PARVA: variants seen among roughly 807,000 people sequenced by gnomAD.
PARVA encodes alpha-parvin.
PARVA carries 25 observed loss-of-function variants against 52.6 expected under a neutral mutation model. That is an observed-to-expected ratio of 0.48 (90% confidence interval 0.35 to 0.66). PARVA has a LOEUF of 0.66. Among genes scored for constraint, PARVA ranks in the 30% least tolerant of loss-of-function variants. The pLI is 0.01. For missense variants in PARVA, 373 were observed against 450.9 expected, an observed-to-expected ratio of 0.83 and a Z score of 1.56; for synonymous variants, 185 against 179.1, an observed-to-expected ratio of 1.03 and a Z score of -0.26.
Position 12,517,690 on chromosome 11 carries a change from C to A in PARVA, c.948C>A (p.Thr316=). The A allele has an allele frequency of 6.2e-7, 1 of 1,601,746 alleles. No individual in the cohort carries two copies. Among genetic ancestry groups the A allele is most frequent in the Non-Finnish European group, 8.5e-7 (1 of 1,173,812 alleles). The change falls in exon 11 of 13, where the codon ACC becomes ACA. Residue 316 remains threonine, a synonymous_variant. Transcript: ENST00000334956. Reference sequence around the variant, plus strand: ...TGCCCCTGCACAGCTTCTTCCTGACCCCGGACAGCTTTGAACAGAAGGTAA... The same window carrying A: ...TGCCCCTGCACAGCTTCTTCCTGACACCGGACAGCTTTGAACAGAAGGTAA... ...YFVPLHSFFL[T]PDSFEQKVLN...
chr11:12,466,811 A>G (rs780266923), intron 1 of PARVA, among the ~76,000 whole-genome samples: 21 of 152,124 alleles, frequency 1.4e-4, no homozygotes, highest in Non-Finnish European at 2.4e-4. Context: ...GTAGTCTTGA[A>G]GTATGGTAGT....
intron 1 of PARVA, among the ~76,000 whole-genome samples, chr11:12,407,387 A>C (rs1939927786): frequency 6.6e-6 from 1 of 152,240 alleles, no homozygotes; most frequent in African/African-American, 2.4e-5. Flanking sequence ...TGCTAGGGAA[A>C]GCCCATAGAC....
rs556808885 is a variant in PARVA at position 12,506,647 on chromosome 11, G to C, written c.658-1937G>C. On this transcript the variant is annotated intron_variant, in intron 6 of 12. Transcript: ENST00000334956. ...GTCAGTTTAATTTCTCCTGTAGGCT[G>C]TTTTGTTAGCATGAGGGAGAAAAGA... 2.0e-5 allele frequency among the ~76,000 whole-genome samples: 3 copies of C among 152,354 alleles called. No homozygotes were observed. In the South Asian group the frequency reaches 6.2e-4, roughly 32 times the overall value.
chr11:12,526,301 G>A (rs1006458172), intron 12 of PARVA, among the ~76,000 whole-genome samples: 1 of 152,094 alleles, frequency 6.6e-6, no homozygotes, highest in Non-Finnish European at 1.5e-5. Context: ...ACTCTTGAAG[G>A]ATCCCTGTGG....
Position 12,493,595 on chromosome 11 carries a change from T to C in PARVA, c.401-2863T>C, listed in dbSNP as rs1941258831. 2.3e-5 allele frequency among the ~76,000 whole-genome samples: 3 copies of C among 132,960 alleles called. No individual in the cohort carries two copies. In the South Asian group the frequency reaches 7.4e-4, roughly 33 times the overall value. 87.2% of individuals were successfully genotyped at this position (132,960 alleles called of 152,430 possible). On this transcript the variant is annotated intron_variant, in intron 4 of 12. Coordinates refer to ENST00000334956, the MANE Select transcript of PARVA (RefSeq NM_018222.5). ...AAGCCACAAAAATGCTTCTCCTAAA[T>C]AAGAAATACCAGACGCTAAAAAAAA...
intron 1 of PARVA, among the ~76,000 whole-genome samples, chr11:12,423,166 A>G (rs1004239150): frequency 6.8e-6 from 1 of 147,826 alleles, no homozygotes; most frequent in Non-Finnish European, 1.5e-5. Context: ...ATGTTTTGTT[A>G]CTTTTCATTA....
At position 12,530,856 on chromosome 11, in the gene PARVA, G is replaced by A. The variant is rs1267347007; in HGVS notation, c.*2931G>A. 6.6e-6 allele frequency: 1 copy of A among 152,110 alleles called. No homozygotes were observed. The highest frequency in any genetic ancestry group is 2.4e-5 in the African/African-American group (1 of 41,404). The allele number at this position is 152,110 out of a possible 1,614,324, so 9.4% of individuals were successfully genotyped here. A position where few individuals can be genotyped will look rare whatever the true frequency, so the allele number is the denominator to read the frequency against. ...TCTCCAGTCTGCTCGAGCTAGGAAAGGAAAAAAGCCCTAGCCGAAGGAGGA... is the reference window on the plus strand; with the variant it reads ...TCTCCAGTCTGCTCGAGCTAGGAAAAGAAAAAAGCCCTAGCCGAAGGAGGA... On this transcript the variant is annotated 3_prime_UTR_variant, in exon 13 of 13. Coordinates refer to ENST00000334956, the MANE Select transcript of PARVA (RefSeq NM_018222.5).
chr11:12,403,568 T>C (rs1565328633), intron 1 of PARVA, among the ~76,000 whole-genome samples: 1 of 152,258 alleles, frequency 6.6e-6, no homozygotes, highest in Non-Finnish European at 1.5e-5. Flanking sequence ...GAAACTGACA[T>C]TACATTAACA....
At chr11:12,485,494 A>G (rs1025875149) in intron 4 of PARVA, among the ~76,000 whole-genome samples, 10 of 152,222 alleles carry the variant, frequency 6.6e-5, no homozygotes, top group Admixed American at 6.5e-4. Flanking sequence ...ACAGGGCCAC[A>G]CATTGAAAAT....
rs1171475582 is a variant in PARVA, at chr11:12,530,188, T to G, written c.*2263T>G. 4.6e-5 allele frequency: 7 copies of G among 152,218 alleles called. No homozygotes were observed. Among genetic ancestry groups the G allele is most frequent in the African/African-American group, 1.7e-4 (7 of 41,464 alleles). 9.4% of individuals were successfully genotyped at this position (152,218 alleles called of 1,614,324 possible). On this transcript the variant is annotated 3_prime_UTR_variant, in exon 13 of 13. Transcript: ENST00000334956. Reference sequence around the variant, plus strand: ...AAGTTTTTAAATAACAGTTCTAATTTATCAGAAAATTGTGTTTTGGGATTG... The same window carrying G: ...AAGTTTTTAAATAACAGTTCTAATTGATCAGAAAATTGTGTTTTGGGATTG...
intron 5 of PARVA, among the ~76,000 whole-genome samples, chr11:12,503,995 A>C (rs894239578): frequency 3.9e-5 from 6 of 152,174 alleles, no homozygotes; most frequent in Admixed American, 2.0e-4. Context: ...TTCATATGAC[A>C]AAAGCAGGAG....
At chr11:12,494,938 G>A (rs75540727) in intron 4 of PARVA, among the ~76,000 whole-genome samples, 4,306 of 152,278 alleles carry the variant, frequency 0.028, 126 homozygotes, top group East Asian at 0.11. Flanking sequence ...ATTTTGGGCA[G>A]CCTCTATCCA....
chr11:12,431,338 G>A (rs1940313120), intron 1 of PARVA, among the ~76,000 whole-genome samples: 1 of 152,066 alleles, frequency 6.6e-6, no homozygotes, highest in African/African-American at 2.4e-5. Flanking sequence ...TTTCAATCTT[G>A]GCCTTGAGCC....
intron 1 of PARVA, among the ~76,000 whole-genome samples, chr11:12,392,811 G>A (rs1939678742): frequency 2.0e-5 from 3 of 152,000 alleles, no homozygotes; most frequent in Non-Finnish European, 4.4e-5. Context: ...AGCCTTATGA[G>A]TTATCTGACT....
intron 4 of PARVA, among the ~76,000 whole-genome samples, chr11:12,492,157 G>T (rs906661268): frequency 1.3e-5 from 2 of 152,140 alleles, no homozygotes; most frequent in African/African-American, 4.8e-5. Flanking sequence ...ACCATTCAGG[G>T]TAATTGAGTT....
upstream of PARVA, chr11:12,376,730 G>C (rs1939394377): frequency 1.0e-6 from 1 of 984,842 alleles, no homozygotes; most frequent in South Asian, 4.7e-5. Flanking sequence ...GAGAACTTGA[G>C]ATGGGTAAGC....
intron 1 of PARVA, among the ~76,000 whole-genome samples, chr11:12,468,237 AC>A (rs1181183728): frequency 5.9e-5 from 9 of 152,192 alleles, no homozygotes; most frequent in Admixed American, 3.3e-4. Flanking sequence ...CCTTGAGCAG[AC>A]TGAGGCAGGC....
intron 1 of PARVA, among the ~76,000 whole-genome samples, chr11:12,390,942 T>A (rs1255929177): frequency 6.6e-6 from 1 of 152,110 alleles, no homozygotes; most frequent in East Asian, 1.9e-4. Flanking sequence ...TAGCCCCATG[T>A]AAGGAGTAGC....
At chr11:12,499,714 A>T (rs1242481334) in intron 5 of PARVA, among the ~76,000 whole-genome samples, 1 of 152,066 alleles carries the variant, frequency 6.6e-6, no homozygotes, top group Non-Finnish European at 1.5e-5. Flanking sequence ...TTGTCTTTTC[A>T]CTGCCCACCT....
Sources: allele counts gnomAD v4.1 joint callset (sites outside exome capture counted in the v4.1 genomes callset), GRCh38; gene constraint gnomAD v4.1.1; transcripts MANE v1.5; gene names NCBI Gene and HGNC (gene_info 2026-07-23, HGNC 2026-07-21).